CLEC2A: variants seen among roughly 807,000 people sequenced by gnomAD.
CLEC2A encodes C-type lectin domain family 2 member A.
CLEC2A carries 19 observed loss-of-function variants against 18.6 expected under a neutral mutation model. The observed-to-expected ratio is 1.02, with a 90% CI of 0.71 to 1.50. The LOEUF (loss-of-function observed/expected upper bound fraction) is 1.50, where lower values mean the gene tolerates loss of function less well. Ranked by LOEUF, CLEC2A falls within the 40% of genes most tolerant of loss-of-function variation. CLEC2A has a pLI of 0.00. For synonymous variants in CLEC2A, 74 were observed against 64.0 expected (o/e 1.16, Z -0.75); for missense variants, 190 against 207.9 (o/e 0.91, Z 0.53).
At chr12:9,929,633 C>T (rs1333199679) in intron 1 of CLEC2A, among the ~76,000 whole-genome samples, 1 of 152,004 alleles carries the variant, frequency 6.6e-6, no homozygotes, top group African/African-American at 2.4e-5. Flanking sequence ...GAATTTTTAA[C>T]TGCTTTGTTG....
At chr12:9,894,706 A>G (rs75497020), downstream of CLEC2A, among the ~76,000 whole-genome samples, 249 of 152,198 alleles carry the variant, frequency 1.6e-3, 2 homozygotes, top group African/African-American at 5.7e-3. Context: ...TTCAGTTCAG[A>G]TATTTATCTA....
the CLEC2A span, among the ~76,000 whole-genome samples, chr12:9,883,920 C>T: frequency 6.6e-6 from 1 of 151,862 alleles, no homozygotes; most frequent in Admixed American, 6.6e-5. Context: ...AAATGTACAA[C>T]CAAGGTGATG....
At chr12:9,895,876 G>A (rs188396769), downstream of CLEC2A, 205 of 1,466,090 alleles carry the variant, frequency 1.4e-4, no homozygotes, top group African/African-American at 2.7e-3. Flanking sequence ...TTAAAGCAGA[G>A]CTAGATTTTA....
At chr12:9,891,623 T>C in the CLEC2A span, among the ~76,000 whole-genome samples, 1 of 152,226 alleles carries the variant, frequency 6.6e-6, no homozygotes, top group Non-Finnish European at 1.5e-5. Flanking sequence ...CAAACAACTA[T>C]GTATTTGTAC....
the CLEC2A span, among the ~76,000 whole-genome samples, chr12:9,882,515 T>C: frequency 6.6e-6 from 1 of 152,180 alleles, no homozygotes; most frequent in Non-Finnish European, 1.5e-5. Context: ...CGGTGGCTCA[T>C]GCCTGTAATC....
the CLEC2A span, chr12:9,881,791 T>A: frequency 1.4e-6 from 1 of 730,212 alleles, no homozygotes; most frequent in Non-Finnish European, 2.2e-6. Flanking sequence ...GGTCATAAAT[T>A]GTCTGTTAGA....
intron 3 of CLEC2A, among the ~76,000 whole-genome samples, chr12:9,921,651 T>C (rs149622825): frequency 6.6e-6 from 1 of 152,360 alleles, no homozygotes; most frequent in African/African-American, 2.4e-5. Context: ...AGCCTGCTGT[T>C]GACTGGAAGT....
chr12:9,898,734 A>G (rs1437646990), exon 5 of CLEC2A: 24 of 500,462 alleles, frequency 4.8e-5, no homozygotes, highest in Non-Finnish European at 7.6e-5. Context: ...ACTGTGAATC[A>G]AAGATGGAAA....
At chr12:9,921,644 C>G (rs1354314737) in intron 3 of CLEC2A, among the ~76,000 whole-genome samples, 1 of 152,062 alleles carries the variant, frequency 6.6e-6, no homozygotes, top group East Asian at 1.9e-4. Flanking sequence ...CACTAGTAGC[C>G]TGCTGTTGAC....
In CLEC2A at chr12:9,913,337, G is replaced by C. The variant is rs1481036380; in HGVS notation, c.*229C>G. The C allele has an allele frequency of 1.8e-6, 1 of 570,418 alleles. No individual in the cohort carries two copies. The highest frequency in any genetic ancestry group is 1.9e-5 in the African/African-American group (1 of 51,766). 35.3% of individuals were successfully genotyped at this position (570,418 alleles called of 1,614,324 possible). A position where few individuals can be genotyped will look rare whatever the true frequency, so the allele number is the denominator to read the frequency against. On this transcript the variant is annotated 3_prime_UTR_variant, in exon 5 of 5. Transcript: ENST00000455827. The stretch of plus-strand genomic sequence containing the variant: ...CATCAGGAGGTGATTAGTTCATGAG[G>C]ATGGAGCCATAGTAAATGTGATTGT...
At chr12:9,897,662 T>C (rs1037445090), downstream of CLEC2A, among the ~76,000 whole-genome samples, 8 of 151,776 alleles carry the variant, frequency 5.3e-5, no homozygotes, top group Admixed American at 5.3e-4. Flanking sequence ...AGGCTCCTCC[T>C]GCCCGCATAA....
chr12:9,897,718 C>T (rs1263169982), downstream of CLEC2A, among the ~76,000 whole-genome samples: 6 of 152,110 alleles, frequency 3.9e-5, no homozygotes, highest in East Asian at 1.2e-3. Flanking sequence ...AATGTGCAAG[C>T]AGGCCCCCGG....
the CLEC2A span, among the ~76,000 whole-genome samples, chr12:9,887,034 T>C: frequency 6.6e-6 from 1 of 151,646 alleles, no homozygotes; most frequent in Non-Finnish European, 1.5e-5. Context: ...TAAATAAATA[T>C]AAGAGGATAT....
chr12:9,921,008 C>A (rs1174080564), intron 3 of CLEC2A, among the ~76,000 whole-genome samples: 1 of 152,178 alleles, frequency 6.6e-6, no homozygotes, highest in African/African-American at 2.4e-5. Context: ...AAGGACATGG[C>A]ATCACTAGTC....
At chr12:9,880,419 AC>A in the CLEC2A span, among the ~76,000 whole-genome samples, 1 of 152,200 alleles carries the variant, frequency 6.6e-6, no homozygotes, top group Non-Finnish European at 1.5e-5. Flanking sequence ...GGTGAACACA[AC>A]ATGTGCTGTG....
chr12:9,919,983 G>T (rs576234584), intron 3 of CLEC2A, among the ~76,000 whole-genome samples: 1 of 152,264 alleles, frequency 6.6e-6, no homozygotes, highest in South Asian at 2.1e-4. Flanking sequence ...GCCGTGCTGG[G>T]GGACCACTTC....
intron 4 of CLEC2A, among the ~76,000 whole-genome samples, chr12:9,899,152 A>G (rs1277640485): frequency 6.6e-6 from 1 of 151,934 alleles, no homozygotes; most frequent in African/African-American, 2.4e-5. Flanking sequence ...TTTTGCAGGC[A>G]TGTTGGGCTC....
At chr12:9,928,630 A>G (rs1863318753) in intron 1 of CLEC2A, among the ~76,000 whole-genome samples, 1 of 152,242 alleles carries the variant, frequency 6.6e-6, no homozygotes, top group Admixed American at 6.5e-5. Context: ...CGAAAATACT[A>G]AAAGGTCTGT....
the CLEC2A span, among the ~76,000 whole-genome samples, chr12:9,879,117 C>A: frequency 6.7e-6 from 1 of 150,138 alleles, no homozygotes; most frequent in African/African-American, 2.4e-5. Context: ...AAATCTGTGA[C>A]AATGATTAGC....
Sources: gnomAD v4.1 joint callset for allele counts (sites outside exome capture counted in the v4.1 genomes callset) on GRCh38, gnomAD v4.1.1 for gene constraint, MANE v1.5 for transcripts, NCBI Gene and HGNC (gene_info 2026-07-23, HGNC 2026-07-21) for gene names.